ABCC1: variants seen among roughly 807,000 people sequenced by gnomAD.
The protein encoded by ABCC1 is ATP binding cassette subfamily C member 1 (ABCC1 blood group), also known as multidrug resistance-associated protein 1.
ABCC1 carries 83 observed loss-of-function variants against 172.9 expected under a neutral mutation model. The observed-to-expected ratio is 0.48, with a 90% CI of 0.40 to 0.58. The LOEUF (loss-of-function observed/expected upper bound fraction) is 0.58, where lower values mean the gene tolerates loss of function less well. Ranked by LOEUF, ABCC1 falls within the 20% of genes least tolerant of loss-of-function variation. The pLI is 0.00. For synonymous variants in ABCC1, 937 were observed against 825.2 expected (o/e 1.14, Z -2.32); for missense variants, 1,817 against 2,002.7 (o/e 0.91, Z 1.77).
intron 19 of ABCC1, among the ~76,000 whole-genome samples, chr16:16,092,945 C>G (rs2051313230): frequency 6.6e-6 from 1 of 152,338 alleles, no homozygotes; most frequent in Admixed American, 6.5e-5. Flanking sequence ...CAAAATCATG[C>G]CACTGCACTC....
rs202185267 is a variant in ABCC1 at position 16,048,035 on chromosome 16, C to T, written c.1219-107C>T. On this transcript the variant is annotated intron_variant, in intron 9 of 30. Coordinates refer to ENST00000399410, the MANE Select transcript of ABCC1 (RefSeq NM_004996.4). ...TCGGGAGGGGAGGAGGAGAGATCTGCGGCATTTCTGCCCCTGAGAGTCTCC... is the reference window on the plus strand; with the variant it reads ...TCGGGAGGGGAGGAGGAGAGATCTGTGGCATTTCTGCCCCTGAGAGTCTCC... 486 of 1,371,860 alleles carry T rather than the reference C, an allele frequency of 3.5e-4. 1 individual carries two copies. The East Asian group carries it at 4.5e-3, about 13-fold the overall frequency. 85.0% of individuals were successfully genotyped at this position (1,371,860 alleles called of 1,614,324 possible).
chr16:16,072,851 G>A (rs1436138059), intron 14 of ABCC1, among the ~76,000 whole-genome samples: 2 of 151,464 alleles, frequency 1.3e-5, no homozygotes, highest in African/African-American at 4.9e-5. Flanking sequence ...AGATCAGCCT[G>A]GCCAACAAGG....
chr16:16,140,341 G>GT (rs2152186687), intron 30 of ABCC1, among the ~76,000 whole-genome samples: 1 of 152,234 alleles, frequency 6.6e-6, no homozygotes, highest in East Asian at 1.9e-4. Context: ...AGTGACATGA[G>GT]TTTCTATTTT....
At chr16:15,996,663 G>C (rs982267540) in intron 1 of ABCC1, among the ~76,000 whole-genome samples, 7 of 152,148 alleles carry the variant, frequency 4.6e-5, no homozygotes, top group African/African-American at 1.7e-4. Flanking sequence ...CCTTATCCCT[G>C]CAGGCCCTGG....
At chr16:16,131,744 G>C in intron 26 of ABCC1, 45 bp from the exon 27 acceptor site, 1 of 1,600,178 alleles carries the variant, frequency 6.2e-7, no homozygotes. Flanking sequence ...AGCTTTACCA[G>C]ATGGACTGGA....
chr16:16,104,740 CG>C lies in ABCC1; in HGVS notation c.2736-1995del, dbSNP rs1419616048. Among the ~76,000 whole-genome samples the C allele has an allele frequency of 4.6e-5, 7 of 152,108 alleles. No individual in the cohort carries two copies. In the East Asian group the frequency reaches 1.2e-3, roughly 25 times the overall value. On this transcript the variant is annotated intron_variant, in intron 20 of 30. Transcript: ENST00000399410. ...AGGGGCGGCACTCGTCCGGGAGGCT[CG>C]GGCCGCGCAGGAGCCCATAGCGGGG...
chr16:15,984,314 A>G (rs529782126), intron 1 of ABCC1, among the ~76,000 whole-genome samples: 6 of 152,350 alleles, frequency 3.9e-5, no homozygotes, highest in Non-Finnish European at 8.8e-5. Context: ...ACCTCTGTGT[A>G]AAAAAGCAGA....
chr16:15,986,495 C>G (rs974183554), intron 1 of ABCC1, among the ~76,000 whole-genome samples: 1 of 152,200 alleles, frequency 6.6e-6, no homozygotes, highest in African/African-American at 2.4e-5. Context: ...AGCGTGAACC[C>G]TAACGTGAAC....
In ABCC1 at chr16:16,053,774, C is replaced by CAAAA. The variant is rs10526186; in HGVS notation, c.1473+995_1473+998dup. ...TGCACAACAGAGTGAGACCCTGTCT[C>CAAAA]AAAAAAAAAAAAAAAAAAAAAAAAA... is the stretch of plus-strand genomic sequence containing the variant. On this transcript the variant is annotated intron_variant, in intron 11 of 30. Transcript: ENST00000399410. 1.4e-3 allele frequency among the ~76,000 whole-genome samples: 49 copies of CAAAA among 36,206 alleles called. 6 individuals are homozygous for CAAAA. The highest frequency in any genetic ancestry group is 0.029 in the Middle Eastern group (1 of 34). The allele number at this position is 36,206 out of a possible 152,430, so 23.8% of individuals were successfully genotyped here. A position where few individuals can be genotyped will look rare whatever the true frequency, so the allele number is the denominator to read the frequency against.
intron 1 of ABCC1, among the ~76,000 whole-genome samples, chr16:15,959,696 G>T (rs1205654587): frequency 6.6e-6 from 1 of 152,324 alleles, no homozygotes; most frequent in East Asian, 1.9e-4. Flanking sequence ...AGGAGAAGTG[G>T]ACGATTACAA....
chr16:15,999,809 C>CTCT lies in ABCC1; in HGVS notation c.49-8007_49-8006insTCT, dbSNP rs374395529. 3.8e-3 allele frequency among the ~76,000 whole-genome samples: 32 copies of CTCT among 8,370 alleles called. 1 individual carries two copies. Among genetic ancestry groups the CTCT allele is most frequent in the Admixed American group, 6.2e-3 (3 of 484 alleles). 5.5% of individuals were successfully genotyped at this position (8,370 alleles called of 152,430 possible). ...TCTCTCTCTCTCTCTCTCTCTCTCT[C>CTCT]CTCTCTCTCTCTCTCTCTCTCTCTG... On this transcript the variant is annotated intron_variant, in intron 1 of 30. Coordinates refer to ENST00000399410, the MANE Select transcript of ABCC1 (RefSeq NM_004996.4).
chr16:15,953,208 C>G (rs1045186327), intron 1 of ABCC1, among the ~76,000 whole-genome samples: 1 of 151,910 alleles, frequency 6.6e-6, no homozygotes, highest in Non-Finnish European at 1.5e-5. Flanking sequence ...TGGTGATTCA[C>G]GCCTGTAATT....
At position 16,009,802 on chromosome 16, in the gene ABCC1, C is replaced by A. The variant is rs755149283; in HGVS notation, c.252C>A (p.Val84=). 3 of 1,609,100 alleles carry A rather than the reference C, an allele frequency of 1.9e-6. No individual in the cohort carries two copies. In the East Asian group the frequency reaches 6.7e-5, roughly 36 times the overall value. Residue 84 remains valine (V), a synonymous_variant, in exon 3 of 31, where the codon GTC becomes GTA. Coordinates refer to ENST00000399410, the MANE Select transcript of ABCC1 (RefSeq NM_004996.4). The part of the protein sequence containing the change: ...KTALGFLLWI[V]CWADLFYSFW... ...CCTTGGGATTTTTGCTGTGGATCGT[C>A]TGCTGGGCAGACCTCTTCTACTCTT...
At chr16:16,140,711 C>G (rs1806642107) in intron 30 of ABCC1, among the ~76,000 whole-genome samples, 1 of 152,208 alleles carries the variant, frequency 6.6e-6, no homozygotes, top group African/African-American at 2.4e-5. Context: ...TGGCACGCAG[C>G]CACATCTGTT....
At chr16:16,134,260 C>T in intron 27 of ABCC1, 90 bp from the exon 28 acceptor site, 1 of 1,526,902 alleles carries the variant, frequency 6.5e-7, no homozygotes, top group Non-Finnish European at 8.9e-7. Context: ...TGACTGATGC[C>T]TGAGGTGGGG....
intron 16 of ABCC1, among the ~76,000 whole-genome samples, chr16:16,082,331 C>T (rs1411065669): frequency 1.3e-5 from 2 of 152,074 alleles, no homozygotes; most frequent in Non-Finnish European, 2.9e-5. Flanking sequence ...GCCTATAATC[C>T]CAGCACTTCA....
chr16:15,963,645 C>T (rs959939165), intron 1 of ABCC1, among the ~76,000 whole-genome samples: 1 of 152,226 alleles, frequency 6.6e-6, no homozygotes. Context: ...CTTGCACCCT[C>T]TGAAGGCACA....
intron 1 of ABCC1, among the ~76,000 whole-genome samples, chr16:16,000,753 C>T (rs1364546110): frequency 6.6e-6 from 1 of 152,122 alleles, no homozygotes; most frequent in African/African-American, 2.4e-5. Flanking sequence ...AACTACTGTG[C>T]CTAGCCAGAT....
chr16:16,063,349 C>G (rs1028401857), intron 12 of ABCC1, among the ~76,000 whole-genome samples: 1 of 152,144 alleles, frequency 6.6e-6, no homozygotes, highest in Non-Finnish European at 1.5e-5. Context: ...CTCAAGTGAT[C>G]CGCCCACCTC....
Sources: allele counts gnomAD v4.1 joint callset (sites outside exome capture counted in the v4.1 genomes callset), GRCh38; gene constraint gnomAD v4.1.1; transcripts MANE v1.5; gene names NCBI Gene and HGNC (gene_info 2026-07-23, HGNC 2026-07-21).